Variants in GRAMD1B observed in about 807,000 individuals in gnomAD.
The protein encoded by GRAMD1B is GRAM domain containing 1B, also known as protein Aster-B.
Under a neutral mutation model 99.7 loss-of-function variants are expected in GRAMD1B, and 37 were observed. That is an observed-to-expected ratio of 0.37 (90% CI 0.29 to 0.49). The LOEUF is 0.49. Among genes scored for constraint, GRAMD1B ranks in the 20% least tolerant of loss-of-function variants. GRAMD1B has a pLI of 0.98. For synonymous variants in GRAMD1B, 427 were observed against 387.6 expected (o/e 1.10, Z -1.19); for missense variants, 888 against 1,009.2 (o/e 0.88, Z 1.63).
chr11:123,378,861 T>C (rs1946777828), intron 1 of GRAMD1B, among the ~76,000 whole-genome samples: 1 of 152,224 alleles, frequency 6.6e-6, no homozygotes. Context: ...GCTTAGAGTC[T>C]TCTCATGCAC....
At chr11:123,417,160 G>A (rs1948258761) in intron 1 of GRAMD1B, among the ~76,000 whole-genome samples, 1 of 152,088 alleles carries the variant, frequency 6.6e-6, no homozygotes, top group Non-Finnish European at 1.5e-5. Flanking sequence ...GGACCACGAG[G>A]TCGGGAGTTC....
At chr11:123,576,732 G>T (rs1429556409) in intron 2 of GRAMD1B, among the ~76,000 whole-genome samples, 1 of 152,190 alleles carries the variant, frequency 6.6e-6, no homozygotes, top group African/African-American at 2.4e-5. Flanking sequence ...AAATAATATG[G>T]TGTGGGTGAG....
chr11:123,574,270 A>C (rs1948480670), intron 2 of GRAMD1B, among the ~76,000 whole-genome samples: 1 of 152,150 alleles, frequency 6.6e-6, no homozygotes, highest in African/African-American at 2.4e-5. Flanking sequence ...GGAGAGAAAA[A>C]GCATAGAGGT....
At chr11:123,401,224 A>G (rs556247623) in intron 1 of GRAMD1B, among the ~76,000 whole-genome samples, 2 of 149,028 alleles carry the variant, frequency 1.3e-5, no homozygotes, top group South Asian at 4.3e-4. Flanking sequence ...CTGTAACCCC[A>G]AATGGCACAG....
chr11:123,621,866 TTTTCTTTCTTTCTTTTTC>T (rs1324085656), intron 19 of GRAMD1B, among the ~76,000 whole-genome samples: 10 of 73,694 alleles, frequency 1.4e-4, no homozygotes, highest in African/African-American at 1.9e-4. Flanking sequence ...TCTTTCTTTC[TTTTCTTTCTTTCTTTTTC>T]TTTCTTTCTT....
At chr11:123,452,040 T>C (rs57488305) in intron 1 of GRAMD1B, among the ~76,000 whole-genome samples, 15,610 of 152,010 alleles carry the variant, frequency 0.1, 1,146 homozygotes, top group African/African-American at 0.2. Context: ...CACTATGTTT[T>C]CCGGGTTAGT....
At chr11:123,517,913 C>T (rs926714837) in intron 2 of GRAMD1B, among the ~76,000 whole-genome samples, 3 of 152,178 alleles carry the variant, frequency 2.0e-5, no homozygotes, top group Admixed American at 6.5e-5. Context: ...TGCCCCCTCC[C>T]GGAGAGAACC....
At chr11:123,604,299 C>T (rs1952404318) in intron 9 of GRAMD1B, among the ~76,000 whole-genome samples, 1 of 152,158 alleles carries the variant, frequency 6.6e-6, no homozygotes, top group East Asian at 1.9e-4. Context: ...AGTTCAAGGA[C>T]TGCCTGGGAG....
chr11:123,393,944 A>G (rs1350057456), intron 1 of GRAMD1B, among the ~76,000 whole-genome samples: 1 of 152,150 alleles, frequency 6.6e-6, no homozygotes, highest in Non-Finnish European at 1.5e-5. Flanking sequence ...CTTCAATTTC[A>G]TTCTCTTTCC....
intron 1 of GRAMD1B, among the ~76,000 whole-genome samples, chr11:123,467,011 A>T (rs1344766141): frequency 6.6e-6 from 1 of 152,188 alleles, no homozygotes; most frequent in African/African-American, 2.4e-5. Context: ...CCATTTGAGG[A>T]ATATAATGGG....
chr11:123,523,940 T>C (rs762984843), intron 2 of GRAMD1B, among the ~76,000 whole-genome samples: 1 of 152,224 alleles, frequency 6.6e-6, no homozygotes, highest in Non-Finnish European at 1.5e-5. Context: ...TATGGATAGA[T>C]CAATTCCACA....
At chr11:123,539,978 C>T (rs946787773) in intron 2 of GRAMD1B, among the ~76,000 whole-genome samples, 1 of 151,992 alleles carries the variant, frequency 6.6e-6, no homozygotes, top group African/African-American at 2.4e-5. Flanking sequence ...CTATGGATTC[C>T]TATAATTTCA....
At chr11:123,400,180 A>T (rs116495072) in intron 1 of GRAMD1B, among the ~76,000 whole-genome samples, 4,426 of 152,264 alleles carry the variant, frequency 0.029, 72 homozygotes, top group Middle Eastern at 0.065. Context: ...GATACCTTAT[A>T]AAAAATAGAA....
chr11:123,568,496 T>C (rs1266685886), intron 2 of GRAMD1B, among the ~76,000 whole-genome samples: 2 of 152,370 alleles, frequency 1.3e-5, no homozygotes, highest in Admixed American at 6.5e-5. Flanking sequence ...TCCACAATTT[T>C]CCCAAACGGA....
At chr11:123,530,808 T>C (rs1943278915) in intron 2 of GRAMD1B, among the ~76,000 whole-genome samples, 1 of 152,056 alleles carries the variant, frequency 6.6e-6, no homozygotes, top group Admixed American at 6.5e-5. Context: ...GCGGTGAAGG[T>C]TGGGGTCACT....
At chr11:123,589,683 C>T (rs1259578905) in intron 4 of GRAMD1B, among the ~76,000 whole-genome samples, 1 of 150,256 alleles carries the variant, frequency 6.7e-6, no homozygotes, top group African/African-American at 2.5e-5. Flanking sequence ...GCTGGTCTCA[C>T]ACTCCTGACC....
chr11:123,364,231 A>C (rs984108214), intron 1 of GRAMD1B, among the ~76,000 whole-genome samples: 1 of 152,244 alleles, frequency 6.6e-6, no homozygotes, highest in Non-Finnish European at 1.5e-5. Context: ...GATGGGTGGA[A>C]CAGTTGGACT....
chr11:123,412,759 C>A (rs569370245), intron 1 of GRAMD1B, among the ~76,000 whole-genome samples: 4 of 124,214 alleles, frequency 3.2e-5, no homozygotes, highest in African/African-American at 1.7e-4. Flanking sequence ...TATGCCCTCT[C>A]TTCATTTTTT....
chr11:123,409,711 C>T (rs1035553334), intron 1 of GRAMD1B, among the ~76,000 whole-genome samples: 1 of 152,090 alleles, frequency 6.6e-6, no homozygotes, highest in African/African-American at 2.4e-5. Context: ...TGGGTTCCTG[C>T]AAACAAGGGC....
Sources: gnomAD v4.1 joint callset for allele counts (sites outside exome capture counted in the v4.1 genomes callset) on GRCh38, gnomAD v4.1.1 for gene constraint, MANE v1.5 for transcripts, NCBI Gene and HGNC (gene_info 2026-07-23, HGNC 2026-07-21) for gene names.